Variants in BCLAF3 observed in about 807,000 individuals in gnomAD.
BCLAF3 encodes BCLAF1 and THRAP3 family member 3.
In BCLAF3, 24 loss-of-function variants were observed where a neutral mutation model predicts 51.2. The observed-to-expected ratio is 0.47, with a 90% CI of 0.34 to 0.66. The LOEUF is 0.66. Among genes scored for constraint, BCLAF3 ranks in the 30% least tolerant of loss-of-function variants. The probability of loss-of-function intolerance (pLI) is 0.01; values close to 1 mark genes in which losing one functional copy is unlikely to be tolerated. For missense variants in BCLAF3, 465 were observed against 525.1 expected (o/e 0.89, Z 1.12); for synonymous variants, 152 against 176.6 (o/e 0.86, Z 1.10).
At chrX:19,964,324 G>T (rs2071969953) in intron 4 of BCLAF3, among the ~76,000 whole-genome samples, 3 of 111,943 alleles carry the variant, frequency 2.7e-5, no homozygotes, top group Non-Finnish European at 5.6e-5. Flanking sequence ...CAAAGCACGT[G>T]AGTCTGCTTT....
In BCLAF3 at chrX:19,970,755, T is replaced by C. The variant is rs1357469467; in HGVS notation, c.-34-457A>G. On this transcript the variant is annotated intron_variant, in intron 1 of 11. Transcript: ENST00000379682. ...TACTAGGTTAAAGGCACTATGTTGGTCAAATTAAAAAAATAAAAGTACAAA... is the reference window on the plus strand; with the variant it reads ...TACTAGGTTAAAGGCACTATGTTGGCCAAATTAAAAAAATAAAAGTACAAA... Among the ~76,000 whole-genome samples, 12 of 111,879 alleles carry C rather than the reference T, an allele frequency of 1.1e-4. No homozygotes were observed. In the Admixed American group the frequency reaches 1.1e-3, roughly 11 times the overall value.
At chrX:19,940,804 T>C (rs2147816125) in intron 8 of BCLAF3, among the ~76,000 whole-genome samples, 1 of 111,333 alleles carries the variant, frequency 9.0e-6, no homozygotes, top group South Asian at 3.8e-4. Flanking sequence ...GTTGGCTGGG[T>C]CAAATGGTAT....
intron 1 of BCLAF3, among the ~76,000 whole-genome samples, chrX:19,971,675 G>T (rs910498252): frequency 9.0e-6 from 1 of 111,704 alleles, no homozygotes; most frequent in Non-Finnish European, 1.9e-5. Flanking sequence ...GTTCTGATAC[G>T]AATATTAAGT....
At chrX:19,978,746 A>T (rs1412320722) in intron 1 of BCLAF3, among the ~76,000 whole-genome samples, 3 of 101,275 alleles carry the variant, frequency 3.0e-5, no homozygotes, top group Non-Finnish European at 6.0e-5. Context: ...TGCTACAGAG[A>T]AATCTCTTAT....
chrX:19,933,718 C>T (rs902085297), intron 10 of BCLAF3, among the ~76,000 whole-genome samples: 1 of 112,143 alleles, frequency 8.9e-6, no homozygotes, highest in Admixed American at 9.5e-5. Context: ...TACTATGTCG[C>T]TTTGAACTAG....
At chrX:19,986,866 C>T (rs1192907348) in intron 1 of BCLAF3, among the ~76,000 whole-genome samples, 1 of 105,359 alleles carries the variant, frequency 9.5e-6, no homozygotes, top group East Asian at 3.1e-4. Context: ...TGCGGTAGTG[C>T]AATCATAGCT....
At chrX:19,945,094 C>T (rs1385286931) in intron 8 of BCLAF3, among the ~76,000 whole-genome samples, 3 of 110,391 alleles carry the variant, frequency 2.7e-5, no homozygotes, top group African/African-American at 6.6e-5. Context: ...GCATTCTTCA[C>T]GTAGTTCTCA....
rs1453985572 is a variant in BCLAF3 at position 19,930,387 on chromosome X, G to A, written c.1951-447C>T. On this transcript the variant is annotated intron_variant, in intron 10 of 11. Coordinates refer to ENST00000379682, the MANE Select transcript of BCLAF3 (RefSeq NM_001367774.2). ...GAAAAACTGTCTGGTACTTGGAGCT[G>A]TCCTGGATTCTAGGCCTTATAGATG... The A allele has an allele frequency of 2.7e-5, 3 of 112,827 alleles. No homozygotes were observed. In the Admixed American group the frequency reaches 2.9e-4, roughly 11 times the overall value. 9.3% of individuals were successfully genotyped at this position (112,827 alleles called of 1,213,427 possible).
At chrX:19,960,175 G>C (rs1014442474) in intron 4 of BCLAF3, among the ~76,000 whole-genome samples, 1 of 110,440 alleles carries the variant, frequency 9.1e-6, no homozygotes, top group Non-Finnish European at 1.9e-5. Context: ...GCTTAACTTA[G>C]ACCAATTTGA....
intron 9 of BCLAF3, among the ~76,000 whole-genome samples, chrX:19,936,125 T>C (rs2070748197): frequency 8.9e-6 from 1 of 111,756 alleles, no homozygotes; most frequent in African/African-American, 3.3e-5. Context: ...GCCAGGATCA[T>C]TTACGCCTGT....
rs771191078 is a variant in BCLAF3, at chrX:19,983,012, C to T, written c.-35+7896G>A. Reference sequence around the variant, plus strand: ...CTCTGTTGCCCAGGCTGGACTGCAGCGGCACCATCTCCACTCACTGCAACC... The same window carrying T: ...CTCTGTTGCCCAGGCTGGACTGCAGTGGCACCATCTCCACTCACTGCAACC... On this transcript the variant is annotated intron_variant, in intron 1 of 11. Transcript: ENST00000379682. Among the ~76,000 whole-genome samples, 67 of 96,072 alleles carry T rather than the reference C, an allele frequency of 7.0e-4. 1 individual carries two copies. The highest frequency in any genetic ancestry group is 2.1e-3 in the African/African-American group (53 of 25,494). 83.4% of individuals were successfully genotyped at this position (96,072 alleles called of 115,157 possible).
chrX:19,943,484 C>T (rs1305569808), intron 8 of BCLAF3, among the ~76,000 whole-genome samples: 3 of 38,499 alleles, frequency 7.8e-5, no homozygotes, highest in Non-Finnish European at 1.1e-4. Context: ...TCTTTGTTCT[C>T]GTTGGTTTCA....
At chrX:19,922,043 T>C (rs1399705706) in intron 11 of BCLAF3, among the ~76,000 whole-genome samples, 1 of 110,735 alleles carries the variant, frequency 9.0e-6, no homozygotes, top group Non-Finnish European at 1.9e-5. Flanking sequence ...AAATGAATAA[T>C]AAAATAAATT....
At chrX:19,949,605 GACA>G (rs111837012) in intron 8 of BCLAF3, among the ~76,000 whole-genome samples, 9 of 111,511 alleles carry the variant, frequency 8.1e-5, no homozygotes, top group African/African-American at 2.0e-4. Context: ...CCCAGCAAGG[GACA>G]ACATTTTTAC....
At chrX:19,962,348 A>T (rs1044458858) in intron 4 of BCLAF3, among the ~76,000 whole-genome samples, 20 of 110,620 alleles carry the variant, frequency 1.8e-4, no homozygotes, top group Non-Finnish European at 3.2e-4. Context: ...CACCCAGCTA[A>T]TTTTTGTATT....
intron 8 of BCLAF3, among the ~76,000 whole-genome samples, chrX:19,940,949 T>G (rs1387846334): frequency 1.8e-5 from 2 of 110,653 alleles, no homozygotes; most frequent in Non-Finnish European, 1.9e-5. Flanking sequence ...CCTGACTTTT[T>G]AATGATTGCC....
At chrX:19,930,019 G>A in intron 10 of BCLAF3, 79 bp from the exon 11 acceptor site, 2 of 1,016,813 alleles carry the variant, frequency 2.0e-6, no homozygotes, top group Non-Finnish European at 2.7e-6. Context: ...ATGAGTGGGT[G>A]GTTGGGTGCA....
chrX:19,936,282 T>C (rs767671931), intron 9 of BCLAF3, among the ~76,000 whole-genome samples: 1 of 112,153 alleles, frequency 8.9e-6, no homozygotes, highest in South Asian at 3.7e-4. Context: ...CTAAGAAGAA[T>C]ACAAATCCTC....
rs1274464812 is a variant in BCLAF3 at position 19,966,558 on chromosome X, T to C, written c.133A>G (p.Arg45Gly). The C allele has an allele frequency of 1.7e-6, 2 of 1,209,361 alleles. No homozygotes were observed. The highest frequency in any genetic ancestry group is 2.2e-6 in the Non-Finnish European group (2 of 895,019). Residue 45 changes from arginine (R) to glycine (G), a missense_variant, in exon 3 of 12, where the codon AGA becomes GGA. Transcript: ENST00000379682. Reference sequence around the variant, plus strand: ...CTGTCCATTCTCCACGCGACGGGTCTTTTTGGATCCTTCCTATATTCACAG... The same window carrying C: ...CTGTCCATTCTCCACGCGACGGGTCCTTTTGGATCCTTCCTATATTCACAG... ...YGCEYRKDPK[R>G]PVAWRMDSEK...
Sources: allele counts gnomAD v4.1 joint callset (sites outside exome capture counted in the v4.1 genomes callset), GRCh38; gene constraint gnomAD v4.1.1; transcripts MANE v1.5; gene names NCBI Gene and HGNC (gene_info 2026-07-23, HGNC 2026-07-21).